WDFY4: variants seen among roughly 807,000 people sequenced by gnomAD.
The protein encoded by WDFY4 is WDFY family member 4.
A neutral mutation model predicts 351.9 loss-of-function variants in WDFY4; 169 were observed. That is an observed-to-expected ratio of 0.48 (90% CI 0.42 to 0.55). The LOEUF is 0.55. Among genes scored for constraint, WDFY4 ranks in the 20% least tolerant of loss-of-function variants. The pLI is 0.00. For missense variants in WDFY4, 3,803 were observed against 3,935.6 expected (o/e 0.97, Z 0.90); for synonymous variants, 1,622 against 1,574.6 (o/e 1.03, Z -0.71).
At chr10:48,700,057 A>T (rs147614976) in intron 1 of WDFY4, among the ~76,000 whole-genome samples, 2 of 152,292 alleles carry the variant, frequency 1.3e-5, no homozygotes, top group East Asian at 3.9e-4. Context: ...ATGCATGCTG[A>T]AGTTTTAGAA....
chr10:48,830,905 C>T lies in WDFY4; in HGVS notation c.6526+20C>T. 6.5e-7 allele frequency: 1 copy of T among 1,543,702 alleles called. No homozygotes were observed. Among genetic ancestry groups the T allele is most frequent in the South Asian group, 1.2e-5 (1 of 83,232 alleles). On this transcript the variant is annotated intron_variant, in intron 38 of 61. Transcript: ENST00000325239. ...ACTTAGGTCTCTATCCACTCGGCTC[C>T]AGGGAATGGGAACTCCTGGGTCTCA...
chr10:48,945,989 G>T, intron 49 of WDFY4, 51 bp from the exon 50 acceptor site: 1 of 1,271,182 alleles, frequency 7.9e-7, no homozygotes, highest in South Asian at 1.5e-5. Flanking sequence ...GTGGCTCCTA[G>T]GGCACAAGCG....
chr10:48,746,623 T>A (rs1249582230), intron 12 of WDFY4, among the ~76,000 whole-genome samples: 5 of 151,242 alleles, frequency 3.3e-5, no homozygotes, highest in African/African-American at 7.3e-5. Flanking sequence ...TGTTCCACTT[T>A]AAAAAAAAAC....
chr10:48,915,737 G>A (rs79278041), intron 47 of WDFY4, among the ~76,000 whole-genome samples: 1,630 of 152,324 alleles, frequency 0.011, 33 homozygotes, highest in African/African-American at 0.037. Context: ...CCCTGCGAAA[G>A]GCCTGATGGA....
In WDFY4 at chr10:48,749,104, C is replaced by T. The variant is rs79410767; in HGVS notation, c.2459+5556C>T. Among the ~76,000 whole-genome samples, 210 of 152,264 alleles carry T rather than the reference C, an allele frequency of 1.4e-3. 2 individuals carry two copies. Among genetic ancestry groups the T allele is most frequent in the African/African-American group, 4.5e-3 (189 of 41,540 alleles). The stretch of plus-strand genomic sequence containing the variant: ...CACAGCTGCTTCCTAAGCATGTGTG[C>T]GCCAGACACCATGCTCAGCTTTTTA... On this transcript the variant is annotated intron_variant, in intron 12 of 61. Coordinates refer to ENST00000325239, the MANE Select transcript of WDFY4 (RefSeq NM_001394531.1).
At chr10:48,977,166 A>G in intron 59 of WDFY4, 187 bp downstream of exon 59, 1 of 428,776 alleles carries the variant, frequency 2.3e-6, no homozygotes, top group South Asian at 9.3e-5. Context: ...AAAATTATAT[A>G]TATAGTATTA....
intron 53 of WDFY4, 129 bp downstream of exon 53, chr10:48,959,942 G>T: frequency 1.2e-6 from 1 of 844,074 alleles, no homozygotes. Flanking sequence ...AAAACCCAGA[G>T]AAGGGATGGG....
intron 13 of WDFY4, among the ~76,000 whole-genome samples, chr10:48,760,808 C>T (rs951454091): frequency 1.3e-5 from 2 of 152,208 alleles, no homozygotes; most frequent in East Asian, 3.8e-4. Context: ...TCATCTCTCT[C>T]CTGGATGCTG....
intron 19 of WDFY4, 41 bp downstream of exon 19, chr10:48,780,160 A>G: frequency 6.5e-7 from 1 of 1,546,974 alleles, no homozygotes; most frequent in African/African-American, 1.4e-5. Context: ...CCACAACCAT[A>G]CCTCCTGCTA....
intron 1 of WDFY4, among the ~76,000 whole-genome samples, chr10:48,690,602 G>C (rs1474657322): frequency 6.6e-6 from 1 of 152,188 alleles, no homozygotes; most frequent in Non-Finnish European, 1.5e-5. Context: ...GCTCTCAGCA[G>C]AGGGGATATG....
intron 1 of WDFY4, among the ~76,000 whole-genome samples, chr10:48,694,313 G>A (rs1261079914): frequency 6.6e-6 from 1 of 152,036 alleles, no homozygotes; most frequent in Non-Finnish European, 1.5e-5. Flanking sequence ...CCTCCTAGTT[G>A]GACAAAGCCA....
intron 43 of WDFY4, chr10:48,883,874 A>T (rs546099166): frequency 6.6e-6 from 1 of 152,330 alleles, no homozygotes; most frequent in South Asian, 2.1e-4. Flanking sequence ...GATGGTAATT[A>T]TTCAACTATT....
At chr10:48,845,174 G>A (rs980725969) in intron 39 of WDFY4, among the ~76,000 whole-genome samples, 3 of 152,292 alleles carry the variant, frequency 2.0e-5, no homozygotes, top group East Asian at 1.9e-4. Context: ...GCAGGAGCCG[G>A]CCACCAAGCA....
At chr10:48,705,869 C>A (rs1348008159) in intron 1 of WDFY4, among the ~76,000 whole-genome samples, 2 of 152,214 alleles carry the variant, frequency 1.3e-5, no homozygotes, top group Admixed American at 1.3e-4. Context: ...TTGCCACTTG[C>A]TGGTCCTGAA....
In WDFY4 at chr10:48,821,050, C is replaced by A; in HGVS notation, c.5710-12C>A. ...CTGTGGTTGCTGTCTCAGTCCCGGG[C>A]TGTGCTTCCAGGCTTCTCCAGACCA... On this transcript the variant is annotated splice_polypyrimidine_tract_variant and intron_variant, in intron 33 of 61. Coordinates refer to ENST00000325239, the MANE Select transcript of WDFY4 (RefSeq NM_001394531.1). 3 of 1,547,636 alleles carry A rather than the reference C, an allele frequency of 1.9e-6. No homozygotes were observed. Among genetic ancestry groups the A allele is most frequent in the Non-Finnish European group, 2.6e-6 (3 of 1,143,332 alleles).
At position 48,946,224 on chromosome 10, in the gene WDFY4, T is replaced by C. The variant is rs1013423767; in HGVS notation, c.7867+67T>C. 8.7e-6 allele frequency: 11 copies of C among 1,270,118 alleles called. No individual in the cohort carries two copies. The Admixed American group carries it at 1.4e-4, about 16-fold the overall frequency. 78.7% of individuals were successfully genotyped at this position (1,270,118 alleles called of 1,614,324 possible). On this transcript the variant is annotated intron_variant, in intron 50 of 61. Coordinates refer to ENST00000325239, the MANE Select transcript of WDFY4 (RefSeq NM_001394531.1). ...CGGGATGCCCTAAAATGATAGTTGATAACAATTAAGGTGGTCACCTAGCCT... is the reference window on the plus strand; with the variant it reads ...CGGGATGCCCTAAAATGATAGTTGACAACAATTAAGGTGGTCACCTAGCCT...
intron 12 of WDFY4, among the ~76,000 whole-genome samples, chr10:48,750,338 C>A (rs1178327190): frequency 6.6e-6 from 1 of 152,206 alleles, no homozygotes; most frequent in Admixed American, 6.5e-5. Flanking sequence ...GGGAGTCAGG[C>A]ATTGGGAGTG....
chr10:48,882,418 C>T (rs1384858221), intron 43 of WDFY4, among the ~76,000 whole-genome samples: 2 of 152,120 alleles, frequency 1.3e-5, no homozygotes, highest in Non-Finnish European at 2.9e-5. Flanking sequence ...TGTCAGAAGC[C>T]CTTGCCTTGT....
At chr10:48,828,691 G>T in intron 36 of WDFY4, 87 bp from the exon 37 acceptor site, 1 of 757,720 alleles carries the variant, frequency 1.3e-6, no homozygotes. Context: ...ATTATTGGAG[G>T]ATGATTATTT....
Sources: gnomAD v4.1 joint callset for allele counts (sites outside exome capture counted in the v4.1 genomes callset) on GRCh38, gnomAD v4.1.1 for gene constraint, MANE v1.5 for transcripts, NCBI Gene and HGNC (gene_info 2026-07-23, HGNC 2026-07-21) for gene names.